Variants in NME7 observed in about 807,000 individuals in gnomAD.
NME7 encodes nucleoside diphosphate kinase 7.
NME7 carries 41 observed loss-of-function variants against 49.1 expected under a neutral mutation model. That is an observed-to-expected ratio of 0.83 (90% CI 0.65 to 1.08). The LOEUF (loss-of-function observed/expected upper bound fraction) is 1.08. Ranked by LOEUF, NME7 falls within the 50% of genes least tolerant of loss-of-function variation. NME7 has a pLI of 0.00. For synonymous variants in NME7, 139 were observed against 150.6 expected (o/e 0.92, Z 0.56); for missense variants, 423 against 463.4 (o/e 0.91, Z 0.80).
At chr1:169,177,475 C>T (rs1247423320) in intron 10 of NME7, among the ~76,000 whole-genome samples, 2 of 152,056 alleles carry the variant, frequency 1.3e-5, no homozygotes, top group African/African-American at 2.4e-5. Context: ...ATCTCTGATG[C>T]TTTCATTAAG....
chr1:169,291,858 G>A (rs1004330701), intron 6 of NME7, among the ~76,000 whole-genome samples: 3 of 151,894 alleles, frequency 2.0e-5, no homozygotes, highest in East Asian at 1.9e-4. Flanking sequence ...TAGACACAAT[G>A]CTATTGCATT....
rs573145401 is a variant in NME7, at chr1:169,215,324, C to T, written c.990+15394G>A. On this transcript the variant is annotated intron_variant, in intron 10 of 11. Transcript: ENST00000367811. The stretch of plus-strand genomic sequence containing the variant: ...GGCACAGGATGGGGGGCAGGGTAAG[C>T]CATAGGTAGTTTTGAAAAAGGCAAC... Among the ~76,000 whole-genome samples the T allele has an allele frequency of 1.4e-3, 214 of 152,134 alleles. 1 individual carries two copies. The highest frequency in any genetic ancestry group is 2.4e-3 in the Non-Finnish European group (160 of 68,002).
intron 4 of NME7, among the ~76,000 whole-genome samples, chr1:169,308,019 CA>C (rs11410749): frequency 0.025 from 2,703 of 109,960 alleles, 67 homozygotes; most frequent in African/African-American, 0.067. Context: ...GACTCCATCT[CA>C]AAAAAAAAAA....
Position 169,310,083 on chromosome 1 carries a change from A to C in NME7, c.279-3T>G, listed in dbSNP as rs760598305. 1.3e-6 allele frequency: 2 copies of C among 1,540,626 alleles called. No individual in the cohort carries two copies. The highest frequency in any genetic ancestry group is 1.8e-6 in the Non-Finnish European group (2 of 1,130,718). On this transcript the variant is annotated splice_polypyrimidine_tract_variant and splice_region_variant and intron_variant, in intron 3 of 11. Transcript: ENST00000367811. ...CTGGTTTAATTAGGGCTAGCGTTCT[A>C]TAAGGAAACAAAAAATAAGTTTGCA...
chr1:169,247,053 C>T (rs1331619289), intron 7 of NME7: 19 of 456,060 alleles, frequency 4.2e-5, no homozygotes, highest in Admixed American at 2.6e-4. Context: ...GTCAGGGGTT[C>T]CTCCTCACTG....
At chr1:169,334,393 C>T (rs1335708165) in intron 1 of NME7, among the ~76,000 whole-genome samples, 2 of 152,076 alleles carry the variant, frequency 1.3e-5, no homozygotes, top group Admixed American at 1.3e-4. Flanking sequence ...GAATAGAGAC[C>T]TCACAAATAA....
rs1651916002 is a variant in NME7, at chr1:169,323,101, A to G, written c.278+16T>C. 2 of 1,528,956 alleles carry G rather than the reference A, an allele frequency of 1.3e-6. No homozygotes were observed. Among genetic ancestry groups the G allele is most frequent in the East Asian group, 2.4e-5 (1 of 41,358 alleles). 94.7% of individuals were successfully genotyped at this position (1,528,956 alleles called of 1,614,324 possible). Reference sequence around the variant, plus strand: ...AAGTTAGAGCATGTAAAAAGATTATATAATTGTTTTCTTACTTTTCTTTCC... The same window carrying G: ...AAGTTAGAGCATGTAAAAAGATTATGTAATTGTTTTCTTACTTTTCTTTCC... On this transcript the variant is annotated intron_variant, in intron 3 of 11. Coordinates refer to ENST00000367811, the MANE Select transcript of NME7 (RefSeq NM_013330.5).
chr1:169,221,502 G>C (rs1661139362), intron 10 of NME7, among the ~76,000 whole-genome samples: 1 of 152,016 alleles, frequency 6.6e-6, no homozygotes. Flanking sequence ...CTTCTGCCTA[G>C]GATGCTCTTC....
At chr1:169,191,253 G>A (rs1006484295) in intron 10 of NME7, among the ~76,000 whole-genome samples, 10 of 152,152 alleles carry the variant, frequency 6.6e-5, no homozygotes, top group Non-Finnish European at 1.2e-4. Context: ...GATATAAAGC[G>A]AATCAACAAT....
chr1:169,225,758 T>G (rs1286077847), intron 10 of NME7, among the ~76,000 whole-genome samples: 1 of 152,072 alleles, frequency 6.6e-6, no homozygotes, highest in Non-Finnish European at 1.5e-5. Flanking sequence ...CCGAAAAAAA[T>G]TTTGTTAATA....
chr1:169,154,942 T>A (rs977921631), intron 11 of NME7, among the ~76,000 whole-genome samples: 2 of 152,082 alleles, frequency 1.3e-5, no homozygotes, highest in African/African-American at 4.8e-5. Flanking sequence ...TCTTTATTTT[T>A]AAAATATGTT....
chr1:169,282,284 C>T (rs540097760), intron 7 of NME7, among the ~76,000 whole-genome samples: 65 of 152,288 alleles, frequency 4.3e-4, no homozygotes, highest in African/African-American at 1.5e-3. Flanking sequence ...TCTACAGGAT[C>T]AGTGGTGATA....
chr1:169,174,387 G>C (rs930121921), intron 10 of NME7, among the ~76,000 whole-genome samples: 1 of 152,014 alleles, frequency 6.6e-6, no homozygotes, highest in Non-Finnish European at 1.5e-5. Flanking sequence ...AGATATGTAA[G>C]AATTGAAAAT....
In NME7 at chr1:169,345,393, T is replaced by C. The variant is rs1652919268; in HGVS notation, c.4-20893A>G. Among the ~76,000 whole-genome samples the C allele has an allele frequency of 2.0e-5, 3 of 152,096 alleles. No individual in the cohort carries two copies. The South Asian group carries it at 6.2e-4, about 31-fold the overall frequency. On this transcript the variant is annotated intron_variant, in intron 1 of 11. Coordinates refer to ENST00000367811, the MANE Select transcript of NME7 (RefSeq NM_013330.5). ...TTTGTTCTTATTTTTCTTTTTCTGTTCTCTTTTTATTTTCTAGTAGAGATG... is the reference window on the plus strand; with the variant it reads ...TTTGTTCTTATTTTTCTTTTTCTGTCCTCTTTTTATTTTCTAGTAGAGATG...
intron 10 of NME7, among the ~76,000 whole-genome samples, chr1:169,171,750 C>T (rs969434523): frequency 1.3e-5 from 2 of 151,332 alleles, no homozygotes; most frequent in Admixed American, 6.6e-5. Context: ...GGTGAAAGAG[C>T]GAGATTCCAT....
At chr1:169,326,449 C>T (rs1319313841) in intron 1 of NME7, among the ~76,000 whole-genome samples, 1 of 152,082 alleles carries the variant, frequency 6.6e-6, no homozygotes, top group Non-Finnish European at 1.5e-5. Flanking sequence ...AACCAACATT[C>T]ATTGCGTTGT....
intron 6 of NME7, among the ~76,000 whole-genome samples, chr1:169,289,430 T>C (rs962792474): frequency 1.3e-5 from 2 of 152,134 alleles, no homozygotes; most frequent in South Asian, 4.1e-4. Flanking sequence ...ACAAAATAAA[T>C]ATATCCACAG....
At chr1:169,231,411 A>T (rs570069228) in intron 9 of NME7, among the ~76,000 whole-genome samples, 7 of 152,324 alleles carry the variant, frequency 4.6e-5, no homozygotes, top group Admixed American at 4.6e-4. Flanking sequence ...GACCAGGTAG[A>T]GGAAACACAA....
At chr1:169,182,363 T>C (rs1659953797) in intron 10 of NME7, among the ~76,000 whole-genome samples, 1 of 152,002 alleles carries the variant, frequency 6.6e-6, no homozygotes, top group African/African-American at 2.4e-5. Flanking sequence ...CCTCATTGTC[T>C]TCCTCCCAAA....
Sources: gnomAD v4.1 joint callset for allele counts (sites outside exome capture counted in the v4.1 genomes callset) on GRCh38, gnomAD v4.1.1 for gene constraint, MANE v1.5 for transcripts, NCBI Gene and HGNC (gene_info 2026-07-23, HGNC 2026-07-21) for gene names.